Variants in AGL observed in about 807,000 individuals in gnomAD.
The protein encoded by AGL is amylo-alpha-1,6-glucosidase and 4-alpha-glucanotransferase, also known as glycogen debranching enzyme.
A neutral mutation model predicts 199.3 loss-of-function variants in AGL; 128 were observed. That is an observed-to-expected ratio of 0.64 (90% CI 0.56 to 0.74). The LOEUF (loss-of-function observed/expected upper bound fraction) is 0.74, where lower values mean the gene tolerates loss of function less well. AGL is among the 30% of genes least tolerant of loss of function. The pLI is 0.00. For synonymous variants in AGL, 584 were observed against 594.7 expected (o/e 0.98, Z 0.26); for missense variants, 1,809 against 1,820.8 (o/e 0.99, Z 0.12).
chr1:99,900,856 A>C lies in AGL; in HGVS notation c.3583A>C (p.Thr1195Pro), dbSNP rs1256588860. The stretch of plus-strand genomic sequence containing the variant: ...TGATTCTGCTCCTTTGCCTGCTGGC[A>C]CACTGGTAAAGATATTTCTTAAAAT... ...TDDSAPLPAG[T>P]LDQPLFEVIQ... Residue 1195 changes from threonine (T) to proline (P), a missense_variant, in exon 26 of 34, where the codon ACA (threonine) becomes CCA (proline). By Grantham distance (38) the Thr-to-Pro change is conservative (BLOSUM62 -1). Coordinates refer to ENST00000361915, the MANE Select transcript of AGL (RefSeq NM_000642.3). 1.1e-5 allele frequency: 17 copies of C among 1,604,198 alleles called. No homozygotes were observed. The South Asian group carries it at 1.7e-4, about 16-fold the overall frequency.
At chr1:99,893,746 G>A (rs1402678908) in intron 24 of AGL, among the ~76,000 whole-genome samples, 3 of 152,142 alleles carry the variant, frequency 2.0e-5, no homozygotes, top group Non-Finnish European at 1.5e-5. Context: ...ACAAATAGAA[G>A]TGTGATATTT....
At chr1:99,898,088 T>C (rs1435120019) in intron 25 of AGL, among the ~76,000 whole-genome samples, 9 of 150,004 alleles carry the variant, frequency 6.0e-5, no homozygotes, top group South Asian at 2.1e-4. Flanking sequence ...GCTCTGTCAC[T>C]CAGGCTGGAG....
chr1:99,920,814 G>T (rs937236679), intron 33 of AGL, among the ~76,000 whole-genome samples: 20 of 152,076 alleles, frequency 1.3e-4, no homozygotes, highest in African/African-American at 3.1e-4. Context: ...TGTACTTTTT[G>T]AATTTGTTTT....
In AGL at chr1:99,881,338, A is replaced by T; in HGVS notation, c.2048A>T (p.Glu683Val). ...CGGTTTTACACTAAGTGGAATCCTGAAGCATTGCCTTCAAACACAGGTGAA... is the reference window on the plus strand; with the variant it reads ...CGGTTTTACACTAAGTGGAATCCTGTAGCATTGCCTTCAAACACAGGTGAA... Reference protein sequence around the residue: ...EERFYTKWNPEALPSNTGEVN... With the variant: ...EERFYTKWNPVALPSNTGEVN... The change falls in exon 16 of 34, where the codon GAA becomes GTA. Residue 683 changes from glutamate (E) to valine (V), a missense_variant. By Grantham distance (121) the Glu-to-Val change is moderately radical. Transcript: ENST00000361915. 6.2e-7 allele frequency: 1 copy of T among 1,614,146 alleles called. No individual in the cohort carries two copies. The highest frequency in any genetic ancestry group is 1.3e-5 in the African/African-American group (1 of 75,052).
intron 2 of AGL, among the ~76,000 whole-genome samples, chr1:99,859,380 A>G (rs544425480): frequency 2.1e-5 from 3 of 142,822 alleles, no homozygotes; most frequent in African/African-American, 8.1e-5. Context: ...GGATTATACT[A>G]TCTAAACAAT....
At chr1:99,919,211 C>G (rs1655346222) in intron 33 of AGL, among the ~76,000 whole-genome samples, 1 of 152,212 alleles carries the variant, frequency 6.6e-6, no homozygotes, top group South Asian at 2.1e-4. Flanking sequence ...TGGAAACTCT[C>G]AAGGCAGTAA....
At chr1:99,913,229 A>T (rs1654876267) in intron 29 of AGL, among the ~76,000 whole-genome samples, 1 of 152,178 alleles carries the variant, frequency 6.6e-6, no homozygotes, top group South Asian at 2.1e-4. Context: ...TTAAAAAAAA[A>T]AAAAGACATT....
intron 4 of AGL, among the ~76,000 whole-genome samples, chr1:99,862,768 AG>A (rs1339789079): frequency 6.6e-6 from 1 of 152,150 alleles, no homozygotes; most frequent in African/African-American, 2.4e-5. Context: ...CATGAGAACA[AG>A]GGGGAAATCC....
chr1:99,851,315 A>C (rs1054695363), intron 2 of AGL, among the ~76,000 whole-genome samples, 191 bp downstream of exon 2: 21 of 152,214 alleles, frequency 1.4e-4, no homozygotes, highest in African/African-American at 4.8e-4. Context: ...AAAATATTTT[A>C]TATCCCTCGT....
At chr1:99,907,142 G>T (rs2100837865) in intron 27 of AGL, among the ~76,000 whole-genome samples, 1 of 152,202 alleles carries the variant, frequency 6.6e-6, no homozygotes, top group Non-Finnish European at 1.5e-5. Context: ...ATGTTTGTTT[G>T]CCAATTATGG....
intron 2 of AGL, among the ~76,000 whole-genome samples, chr1:99,854,534 G>T (rs1011115549): frequency 1.3e-5 from 2 of 150,040 alleles, no homozygotes; most frequent in Admixed American, 1.3e-4. Context: ...AGGCCGAGGC[G>T]GGCGGATCAC....
chr1:99,885,979 T>C (rs931275727), intron 20 of AGL, among the ~76,000 whole-genome samples: 3 of 152,206 alleles, frequency 2.0e-5, no homozygotes, highest in Non-Finnish European at 4.4e-5. Flanking sequence ...GGTTAGACTA[T>C]ATCCATATAT....
rs1650137528 is a variant in AGL, at chr1:99,862,495, A to G, written c.460+72A>G. Reference sequence around the variant, plus strand: ...ATTATCCTCTGTGATATAGATTTCAAAAGTTTTGTGTATTAGTCCATTCTC... The same window carrying G: ...ATTATCCTCTGTGATATAGATTTCAGAAGTTTTGTGTATTAGTCCATTCTC... On this transcript the variant is annotated intron_variant, in intron 4 of 33. Coordinates refer to ENST00000361915, the MANE Select transcript of AGL (RefSeq NM_000642.3). 6 of 1,544,172 alleles carry G rather than the reference A, an allele frequency of 3.9e-6. No individual in the cohort carries two copies. The South Asian group carries it at 4.5e-5, about 12-fold the overall frequency.
chr1:99,892,631 A>G (rs747943316), intron 24 of AGL, 24 bp downstream of exon 24: 1 of 1,606,894 alleles, frequency 6.2e-7, no homozygotes, highest in Non-Finnish European at 8.5e-7. Context: ...TACAAGGTTA[A>G]AATATGTAAA....
intron 7 of AGL, among the ~76,000 whole-genome samples, chr1:99,873,016 T>A (rs780228504): frequency 1.1e-3 from 168 of 152,138 alleles, no homozygotes; most frequent in Non-Finnish European, 2.0e-3. Context: ...TCTTGATCTT[T>A]TAACTCTTGT....
At chr1:99,902,647 T>G (rs1261855517) in intron 26 of AGL, 36 bp from the exon 27 acceptor site, 1 of 1,489,068 alleles carries the variant, frequency 6.7e-7, no homozygotes, top group Admixed American at 1.7e-5. Flanking sequence ...AAAATGTAAT[T>G]TCTAACAGAG....
In AGL at chr1:99,884,241, T is replaced by G. The variant is rs542001385; in HGVS notation, c.2430T>G (p.Ile810Met). The G allele has an allele frequency of 9.3e-6, 15 of 1,613,324 alleles. No homozygotes were observed. In the African/African-American group the frequency reaches 9.3e-5, roughly 10 times the overall value. Residue 810 changes from isoleucine to methionine, a missense_variant, in exon 18 of 34, where the codon ATT becomes ATG. By Grantham distance (10) the Ile-to-Met change is conservative. Transcript: ENST00000361915. ...TCACAGTAGAAATTAGAGAACATAT[T>G]CAGGTATTTGGGACTCTCATCTTAC... is the stretch of plus-strand genomic sequence containing the variant. ...PDITVEIREH[I>M]QLNESKIVKQ...
intron 7 of AGL, among the ~76,000 whole-genome samples, chr1:99,873,909 G>A (rs1342929506): frequency 1.3e-5 from 2 of 152,068 alleles, no homozygotes; most frequent in South Asian, 2.1e-4. Flanking sequence ...TTTAGAATAA[G>A]CCAGACACAA....
At chr1:99,883,997 T>A (rs1652246624) in intron 17 of AGL, 123 bp from the exon 18 acceptor site, 2 of 816,734 alleles carry the variant, frequency 2.4e-6, no homozygotes, top group Non-Finnish European at 3.9e-6. Flanking sequence ...TTCAGACTTC[T>A]AAAAAAAAGT....
Sources: gnomAD v4.1 joint callset for allele counts (sites outside exome capture counted in the v4.1 genomes callset) on GRCh38, gnomAD v4.1.1 for gene constraint, MANE v1.5 for transcripts, NCBI Gene and HGNC (gene_info 2026-07-23, HGNC 2026-07-21) for gene names.